Variants in LGR5 observed in about 807,000 individuals in gnomAD.
LGR5 encodes the protein leucine-rich repeat-containing G protein-coupled receptor 5.
A neutral mutation model predicts 76.7 loss-of-function variants in LGR5; 54 were observed. That is an observed-to-expected ratio of 0.70 (90% CI 0.57 to 0.88). The LOEUF is 0.88. Ranked by LOEUF, LGR5 falls within the 40% of genes least tolerant of loss-of-function variation. The pLI is 0.00. For synonymous variants in LGR5, 406 were observed against 421.9 expected (o/e 0.96, Z 0.46); for missense variants, 1,078 against 1,073.3 (o/e 1.00, Z -0.06).
intron 13 of LGR5, among the ~76,000 whole-genome samples, chr12:71,573,325 C>T (rs191242926): frequency 1.3e-5 from 2 of 152,086 alleles, no homozygotes; most frequent in East Asian, 3.9e-4. Flanking sequence ...ATAATCACCT[C>T]GAGGAAACTA....
intron 3 of LGR5, among the ~76,000 whole-genome samples, chr12:71,529,830 C>T (rs1876210266): frequency 6.6e-6 from 1 of 151,924 alleles, no homozygotes; most frequent in Non-Finnish European, 1.5e-5. Context: ...ATGGTGCACC[C>T]CTGTAATCCC....
chr12:71,543,092 A>C (rs1191595554), intron 4 of LGR5, among the ~76,000 whole-genome samples: 1 of 152,168 alleles, frequency 6.6e-6, no homozygotes, highest in African/African-American at 2.4e-5. Flanking sequence ...CTGAAACCTC[A>C]AACTCTTAAG....
At chr12:71,579,953 G>T (rs73146224) in intron 15 of LGR5, among the ~76,000 whole-genome samples, 1 of 151,978 alleles carries the variant, frequency 6.6e-6, no homozygotes, top group African/African-American at 2.4e-5. Context: ...CACTTATTCT[G>T]CCATAAGCAC....
At chr12:71,579,417 T>C (rs1878997778) in intron 15 of LGR5, among the ~76,000 whole-genome samples, 1 of 152,218 alleles carries the variant, frequency 6.6e-6, no homozygotes, top group Admixed American at 6.5e-5. Flanking sequence ...TTTACATACT[T>C]TTAAAATTAT....
intron 2 of LGR5, among the ~76,000 whole-genome samples, chr12:71,520,634 G>T (rs140734873): frequency 1.8e-4 from 27 of 150,508 alleles, no homozygotes; most frequent in Non-Finnish European, 3.4e-4. Flanking sequence ...ATCAAACAAC[G>T]CATGTTCTCA....
At chr12:71,514,014 G>C (rs1875301384) in intron 2 of LGR5, among the ~76,000 whole-genome samples, 2 of 152,148 alleles carry the variant, frequency 1.3e-5, no homozygotes, top group African/African-American at 4.8e-5. Context: ...AGGCAGAGTG[G>C]TGCGTACCTG....
intron 13 of LGR5, among the ~76,000 whole-genome samples, chr12:71,573,295 C>T (rs10879301): frequency 0.18 from 27,781 of 151,904 alleles, 2,904 homozygotes; most frequent in East Asian, 0.44. Context: ...TTTTTTTCAA[C>T]GTGTGTCTCA....
intron 3 of LGR5, among the ~76,000 whole-genome samples, chr12:71,534,744 CTTGGT>C (rs1565729546): frequency 6.6e-6 from 1 of 152,166 alleles, no homozygotes; most frequent in Admixed American, 6.6e-5. Context: ...TTCTCTTTTC[CTTGGT>C]AACTTTTCCC....
Position 71,449,518 on chromosome 12 carries a change from C to T in LGR5, c.212+9226C>T, listed in dbSNP as rs114671712. On this transcript the variant is annotated intron_variant, in intron 1 of 17. Transcript: ENST00000266674. ...CATTTGAAGATCTTAAAAGGTCTAG[C>T]GGCATGATTAACTGACAGCAAGTGT... 1.9e-3 allele frequency among the ~76,000 whole-genome samples: 285 copies of T among 152,186 alleles called. 4 individuals carry two copies. The highest frequency in any genetic ancestry group is 5.9e-3 in the African/African-American group (246 of 41,514).
chr12:71,573,655 G>A (rs139966965), intron 13 of LGR5, among the ~76,000 whole-genome samples: 22 of 152,084 alleles, frequency 1.4e-4, no homozygotes, highest in Non-Finnish European at 2.5e-4. Context: ...ACTATAGTAC[G>A]TTTGTTAAAA....
At chr12:71,516,714 T>C (rs1442110083) in intron 2 of LGR5, among the ~76,000 whole-genome samples, 1 of 152,224 alleles carries the variant, frequency 6.6e-6, no homozygotes, top group African/African-American at 2.4e-5. Context: ...ATACTGTAGA[T>C]GGTTTTTACA....
At chr12:71,503,811 T>C (rs1050050202) in intron 1 of LGR5, among the ~76,000 whole-genome samples, 10 of 152,140 alleles carry the variant, frequency 6.6e-5, no homozygotes, top group African/African-American at 2.4e-4. Context: ...CAGCTGTCAG[T>C]CTTTTGGCCT....
intron 11 of LGR5, among the ~76,000 whole-genome samples, chr12:71,570,574 G>C (rs1365114579): frequency 6.6e-6 from 1 of 152,240 alleles, no homozygotes; most frequent in South Asian, 2.1e-4. Context: ...TTGTGCATAG[G>C]TGTGAGATTT....
At chr12:71,503,426 G>A (rs1874702429) in intron 1 of LGR5, among the ~76,000 whole-genome samples, 2 of 151,960 alleles carry the variant, frequency 1.3e-5, no homozygotes, top group Admixed American at 6.5e-5. Flanking sequence ...ATTTGGGGGT[G>A]GTGCCATACT....
chr12:71,486,445 A>G (rs760263121), intron 1 of LGR5, among the ~76,000 whole-genome samples: 1 of 152,184 alleles, frequency 6.6e-6, no homozygotes, highest in Non-Finnish European at 1.5e-5. Context: ...AATAAAAATC[A>G]AAGGTTGAAA....
chr12:71,562,405 A>T (rs760115472), intron 8 of LGR5, among the ~76,000 whole-genome samples: 1 of 152,174 alleles, frequency 6.6e-6, no homozygotes, highest in African/African-American at 2.4e-5. Context: ...ATGAGGATTT[A>T]TATGCCATAA....
intron 13 of LGR5, among the ~76,000 whole-genome samples, chr12:71,576,137 G>A (rs1878845221): frequency 6.6e-6 from 1 of 152,120 alleles, no homozygotes; most frequent in South Asian, 2.1e-4. Context: ...ATGCATGCAG[G>A]GCTTAATACC....
intron 1 of LGR5, among the ~76,000 whole-genome samples, chr12:71,471,358 G>A (rs1461919650): frequency 6.6e-6 from 1 of 152,160 alleles, no homozygotes; most frequent in Non-Finnish European, 1.5e-5. Context: ...ATATGAATGA[G>A]CCTTGTGTGT....
At chr12:71,561,460 T>C (rs1250101432) in intron 7 of LGR5, among the ~76,000 whole-genome samples, 1 of 152,218 alleles carries the variant, frequency 6.6e-6, no homozygotes, top group African/African-American at 2.4e-5. Flanking sequence ...AAAAATGGTT[T>C]CCACTCTCTC....
Sources: gnomAD v4.1 joint callset for allele counts (sites outside exome capture counted in the v4.1 genomes callset) on GRCh38, gnomAD v4.1.1 for gene constraint, MANE v1.5 for transcripts, NCBI Gene and HGNC (gene_info 2026-07-23, HGNC 2026-07-21) for gene names.